The following CEP128 variants were observed in gnomAD, a reference collection of about 807,000 sequenced individuals.
CEP128 encodes centrosomal protein 128.
In CEP128, 132 loss-of-function variants were observed where a neutral mutation model predicts 156.7. That is an observed-to-expected ratio of 0.84 (90% CI 0.73 to 0.97). CEP128 has a LOEUF of 0.97. Ranked by LOEUF, CEP128 falls within the 50% of genes least tolerant of loss-of-function variation. The pLI is 0.00. For synonymous variants in CEP128, 469 were observed against 448.9 expected (o/e 1.04, Z -0.57); for missense variants, 1,252 against 1,281.9 (o/e 0.98, Z 0.36).
intron 19 of CEP128, among the ~76,000 whole-genome samples, chr14:80,732,848 G>C (rs1898345075): frequency 6.6e-6 from 1 of 152,038 alleles, no homozygotes; most frequent in African/African-American, 2.4e-5. Flanking sequence ...CTACAGGTTA[G>C]GAAGATCATG....
intron 19 of CEP128, among the ~76,000 whole-genome samples, chr14:80,628,503 C>T (rs1177995387): frequency 2.0e-5 from 3 of 152,120 alleles, no homozygotes; most frequent in South Asian, 2.1e-4. Flanking sequence ...AAGCTAAATT[C>T]CCAACATAAT....
intron 19 of CEP128, among the ~76,000 whole-genome samples, chr14:80,614,792 A>T (rs1054088535): frequency 1.3e-5 from 2 of 152,212 alleles, no homozygotes; most frequent in Admixed American, 6.5e-5. Context: ...CTTCTCCAGA[A>T]ATCTGCTCAT....
intron 13 of CEP128, among the ~76,000 whole-genome samples, chr14:80,800,574 C>T (rs992705413): frequency 2.0e-5 from 3 of 152,002 alleles, no homozygotes; most frequent in East Asian, 1.9e-4. Context: ...TTCAAATGAC[C>T]CCTTTAATAA....
intron 18 of CEP128, among the ~76,000 whole-genome samples, chr14:80,752,846 T>C (rs1899462855): frequency 1.3e-5 from 2 of 152,210 alleles, no homozygotes; most frequent in Admixed American, 6.5e-5. Flanking sequence ...AGTCAAACTA[T>C]GTGATCTCTA....
At position 80,665,203 on chromosome 14, in the gene CEP128, G is replaced by A. The variant is rs141963332; in HGVS notation, c.2806+77872C>T. ...GGAGCAGTGCTGCTTTACATGACTA[G>A]GGGCCAGTGGGGTATGTGAAACCTG... On this transcript the variant is annotated intron_variant, in intron 19 of 24. Coordinates refer to ENST00000555265, the MANE Select transcript of CEP128 (RefSeq NM_152446.5). Among the ~76,000 whole-genome samples the A allele has an allele frequency of 2.7e-3, 406 of 152,266 alleles. 2 individuals carry two copies. The highest frequency in any genetic ancestry group is 9.2e-3 in the African/African-American group (384 of 41,548).
intron 4 of CEP128, among the ~76,000 whole-genome samples, chr14:80,909,132 A>C (rs1006491108): frequency 2.6e-5 from 4 of 152,076 alleles, no homozygotes; most frequent in Non-Finnish European, 5.9e-5. Context: ...TTCTGGACTT[A>C]AGTTTTTTGC....
chr14:80,905,981 C>A lies in CEP128; in HGVS notation c.335G>T (p.Ser112Ile), dbSNP rs750124801. The A allele has an allele frequency of 6.2e-7, 1 of 1,613,268 alleles. No individual in the cohort carries two copies. Among genetic ancestry groups the A allele is most frequent in the South Asian group, 1.1e-5 (1 of 90,958 alleles). ...RSISVTSLSA[S>I]DLDGGTGSEL... is the part of the protein sequence containing the mutation. ...TGACCCAGTGCCACCATCAAGGTCA[C>A]TTGCACTCAAACTTGTAACAGAAAT... Residue 112 changes from serine to isoleucine, a missense_variant, in exon 5 of 25, where the codon AGT (serine) becomes ATT (isoleucine). By Grantham distance (142) the Ser-to-Ile change is moderately radical. Coordinates refer to ENST00000555265, the MANE Select transcript of CEP128 (RefSeq NM_152446.5).
At chr14:80,549,281 T>A (rs1484901437) in intron 21 of CEP128, among the ~76,000 whole-genome samples, 1 of 152,182 alleles carries the variant, frequency 6.6e-6, no homozygotes, top group East Asian at 1.9e-4. Context: ...ACAGGGTTTG[T>A]GCAAAACCTT....
intron 13 of CEP128, among the ~76,000 whole-genome samples, chr14:80,810,558 T>C (rs1884472966): frequency 6.6e-6 from 1 of 152,136 alleles, no homozygotes; most frequent in Non-Finnish European, 1.5e-5. Context: ...GTTTTTTTCT[T>C]TCCCATCTAT....
chr14:80,646,724 T>C (rs1463458874), intron 19 of CEP128, among the ~76,000 whole-genome samples: 1 of 151,764 alleles, frequency 6.6e-6, no homozygotes. Context: ...AAAATGGATA[T>C]ACACAAATTT....
chr14:80,509,943 A>AT (rs1266114386), intron 23 of CEP128, among the ~76,000 whole-genome samples: 1 of 151,894 alleles, frequency 6.6e-6, no homozygotes, highest in Non-Finnish European at 1.5e-5. Context: ...AAATGTACAG[A>AT]TTTTTTTCTG....
intron 16 of CEP128, among the ~76,000 whole-genome samples, chr14:80,763,961 G>A (rs910481858): frequency 9.9e-5 from 15 of 152,238 alleles, no homozygotes; most frequent in Non-Finnish European, 2.2e-4. Context: ...AGAGACTACC[G>A]ATGTATTAGA....
Position 80,696,696 on chromosome 14 carries a change from G to T in CEP128, c.2806+46379C>A, listed in dbSNP as rs1330528248. 4.6e-5 allele frequency among the ~76,000 whole-genome samples: 7 copies of T among 152,156 alleles called. No individual in the cohort carries two copies. The South Asian group carries it at 6.2e-4, about 13-fold the overall frequency. On this transcript the variant is annotated intron_variant, in intron 19 of 24. Coordinates refer to ENST00000555265, the MANE Select transcript of CEP128 (RefSeq NM_152446.5). ...CTAGGATATCATCACTGATCTCAGT[G>T]AGAGTAGTTTCATAAAAGCAGTAAA...
chr14:80,741,614 T>A (rs1286341159), intron 19 of CEP128, among the ~76,000 whole-genome samples: 6 of 152,162 alleles, frequency 3.9e-5, no homozygotes. Context: ...TGTCACTTAC[T>A]ATGACATTAA....
chr14:80,763,017 A>G (rs1900048491), intron 16 of CEP128, among the ~76,000 whole-genome samples: 1 of 152,224 alleles, frequency 6.6e-6, no homozygotes, highest in African/African-American at 2.4e-5. Flanking sequence ...CATAACTACC[A>G]TATGAATCAG....
At chr14:80,667,423 G>A (rs1205750581) in intron 19 of CEP128, among the ~76,000 whole-genome samples, 2 of 152,174 alleles carry the variant, frequency 1.3e-5, no homozygotes, top group Non-Finnish European at 2.9e-5. Context: ...CTATAAAACT[G>A]TTAGGGAGTG....
intron 23 of CEP128, among the ~76,000 whole-genome samples, chr14:80,506,765 G>C (rs1887994966): frequency 1.3e-5 from 2 of 152,090 alleles, no homozygotes; most frequent in Admixed American, 6.5e-5. Context: ...TTTTCAACAG[G>C]TCCATATATT....
chr14:80,804,541 C>T (rs1014562584), intron 13 of CEP128, among the ~76,000 whole-genome samples: 2 of 152,040 alleles, frequency 1.3e-5, no homozygotes, highest in African/African-American at 4.8e-5. Context: ...CAAAATATGA[C>T]TTCTTTAAAA....
intron 21 of CEP128, among the ~76,000 whole-genome samples, chr14:80,541,420 G>T (rs1889749998): frequency 8.6e-6 from 1 of 115,684 alleles, no homozygotes; most frequent in African/African-American, 3.4e-5. Flanking sequence ...TTCTATGGCA[G>T]AAAGTGAAGC....
Sources: gnomAD v4.1 joint callset for allele counts (sites outside exome capture counted in the v4.1 genomes callset) on GRCh38, gnomAD v4.1.1 for gene constraint, MANE v1.5 for transcripts, NCBI Gene and HGNC (gene_info 2026-07-23, HGNC 2026-07-21) for gene names.